Variants in ZNF385D observed in about 807,000 individuals in gnomAD.
ZNF385D encodes zinc finger protein 385D.
In ZNF385D, 15 loss-of-function variants were observed where a neutral mutation model predicts 35.8. The ratio of observed to expected loss-of-function variants is 0.42; its 90% CI spans 0.28 to 0.64. The LOEUF (loss-of-function observed/expected upper bound fraction) is 0.64. Ranked by LOEUF, ZNF385D falls within the 30% of genes least tolerant of loss-of-function variation. ZNF385D has a pLI of 0.23. For missense variants in ZNF385D, 474 were observed against 494.6 expected (o/e 0.96, Z 0.39); for synonymous variants, 212 against 186.8 (o/e 1.13, Z -1.10).
chr3:22,205,980 A>C (rs948836442), intron 2 of ZNF385D, among the ~76,000 whole-genome samples: 1 of 151,956 alleles, frequency 6.6e-6, no homozygotes, highest in African/African-American at 2.4e-5. Context: ...TGTATTCAAA[A>C]AGACCCAACT....
chr3:22,102,691 A>T (rs9840813), intron 3 of ZNF385D, among the ~76,000 whole-genome samples: 33,326 of 151,940 alleles, frequency 0.22, 4,183 homozygotes, highest in Non-Finnish European at 0.27. Context: ...GCCTTAACCT[A>T]TATTTAAACT....
chr3:22,185,659 C>T (rs530472555), intron 2 of ZNF385D, among the ~76,000 whole-genome samples: 21 of 152,114 alleles, frequency 1.4e-4, no homozygotes, highest in Middle Eastern at 3.4e-3. Flanking sequence ...GTAGAGATAG[C>T]GATTCACCAT....
At chr3:22,320,278 A>G (rs1409474385) in intron 2 of ZNF385D, among the ~76,000 whole-genome samples, 2 of 152,128 alleles carry the variant, frequency 1.3e-5, no homozygotes, top group African/African-American at 2.4e-5. Context: ...TGAACCAAGG[A>G]AGGTTTGAAT....
chr3:22,165,792 G>A (rs905656482), intron 3 of ZNF385D, among the ~76,000 whole-genome samples: 10 of 152,096 alleles, frequency 6.6e-5, no homozygotes, highest in African/African-American at 2.4e-4. Flanking sequence ...GGCAACTCTT[G>A]CCTCAACACA....
intron 3 of ZNF385D, among the ~76,000 whole-genome samples, chr3:22,079,339 G>T (rs959275492): frequency 2.0e-5 from 3 of 151,706 alleles, no homozygotes; most frequent in Admixed American, 2.0e-4. Flanking sequence ...TATAATTTAA[G>T]AATCCAATAA....
intron 2 of ZNF385D, among the ~76,000 whole-genome samples, chr3:22,187,983 G>C (rs977089947): frequency 1.3e-5 from 2 of 152,190 alleles, no homozygotes; most frequent in Non-Finnish European, 2.9e-5. Flanking sequence ...CATTAAGTAA[G>C]TGGGTCTAGA....
chr3:21,511,603 C>A, intron 3 of ZNF385D: 1 of 431,864 alleles, frequency 2.3e-6, no homozygotes, highest in South Asian at 1.6e-5. Flanking sequence ...ATTTCAGATT[C>A]TTTCTCCTCA....
At chr3:22,276,132 G>T (rs1292997310) in intron 2 of ZNF385D, among the ~76,000 whole-genome samples, 2 of 151,852 alleles carry the variant, frequency 1.3e-5, no homozygotes, top group Non-Finnish European at 2.9e-5. Flanking sequence ...AGTCATTGGG[G>T]CACTGTCACA....
At chr3:22,308,255 C>A (rs896726719) in intron 2 of ZNF385D, among the ~76,000 whole-genome samples, 1 of 152,044 alleles carries the variant, frequency 6.6e-6, no homozygotes, top group Non-Finnish European at 1.5e-5. Context: ...TAGGTTATTA[C>A]TCATCTGAGC....
chr3:22,009,589 C>A (rs931355962), intron 3 of ZNF385D, among the ~76,000 whole-genome samples: 2 of 148,346 alleles, frequency 1.3e-5, no homozygotes, highest in African/African-American at 5.0e-5. Context: ...CACAACTGCA[C>A]TCTAGCCTGG....
intron 1 of ZNF385D, among the ~76,000 whole-genome samples, chr3:21,704,380 C>G (rs1031155222): frequency 6.6e-6 from 1 of 152,082 alleles, no homozygotes; most frequent in Admixed American, 6.5e-5. Flanking sequence ...GAGTCCCGAG[C>G]ACACATTCCT....
chr3:21,679,887 G>C (rs1351226030), intron 1 of ZNF385D, among the ~76,000 whole-genome samples: 1 of 152,018 alleles, frequency 6.6e-6, no homozygotes, highest in African/African-American at 2.4e-5. Context: ...ATGATCTCAT[G>C]GTAACCCATA....
intron 3 of ZNF385D, among the ~76,000 whole-genome samples, chr3:21,935,186 T>C (rs1701200381): frequency 6.6e-6 from 1 of 152,204 alleles, no homozygotes; most frequent in South Asian, 2.1e-4. Context: ...TGTTCTCTGA[T>C]TATCAAAAGT....
At chr3:21,435,477 GCTGGTCTCAAATTC>G (rs566906982) in intron 5 of ZNF385D, among the ~76,000 whole-genome samples, 1 of 151,724 alleles carries the variant, frequency 6.6e-6, no homozygotes, top group African/African-American at 2.4e-5. Flanking sequence ...TGTTGCCCAG[GCTGGTCTCAAATTC>G]CTGGTCTCAA....
intron 2 of ZNF385D, among the ~76,000 whole-genome samples, chr3:22,327,257 T>C (rs547381208): frequency 3.3e-5 from 5 of 152,312 alleles, no homozygotes; most frequent in Admixed American, 2.6e-4. Context: ...AGTTGGATTC[T>C]GTAAATAAAA....
intron 2 of ZNF385D, among the ~76,000 whole-genome samples, chr3:21,616,157 A>C (rs2064841003): frequency 6.6e-6 from 1 of 152,192 alleles, no homozygotes; most frequent in Non-Finnish European, 1.5e-5. Flanking sequence ...ATTAAAAATG[A>C]AAACCAGTCT....
chr3:21,527,238 CTG>C (rs1214851114), intron 3 of ZNF385D, among the ~76,000 whole-genome samples: 1 of 152,146 alleles, frequency 6.6e-6, no homozygotes, highest in Non-Finnish European at 1.5e-5. Flanking sequence ...ATGAATCACA[CTG>C]TGCATACTGT....
chr3:21,731,683 G>C (rs2125489170), intron 1 of ZNF385D, among the ~76,000 whole-genome samples: 1 of 152,046 alleles, frequency 6.6e-6, no homozygotes, highest in Non-Finnish European at 1.5e-5. Context: ...TATAACCCCT[G>C]GCAATCCCAC....
chr3:22,214,564 T>A (rs13070565), intron 2 of ZNF385D, among the ~76,000 whole-genome samples: 9 of 151,818 alleles, frequency 5.9e-5, no homozygotes, highest in Non-Finnish European at 1.5e-5. Flanking sequence ...CAAGGAACAT[T>A]CCTGAGAAAG....
Sources: gnomAD v4.1 joint callset for allele counts (sites outside exome capture counted in the v4.1 genomes callset) on GRCh38, gnomAD v4.1.1 for gene constraint, MANE v1.5 for transcripts, NCBI Gene and HGNC (gene_info 2026-07-23, HGNC 2026-07-21) for gene names.